The following DNAH8 variants were observed in gnomAD, a reference collection of about 807,000 sequenced individuals.
DNAH8 encodes the protein axonemal beta dynein heavy chain 8.
DNAH8 carries 382 observed loss-of-function variants against 562.1 expected under a neutral mutation model. The ratio of observed to expected loss-of-function variants is 0.68; its 90% CI spans 0.63 to 0.74. The LOEUF is 0.74. DNAH8 is among the 30% of genes least tolerant of loss of function. The pLI is 0.00. For synonymous variants in DNAH8, 1,881 were observed against 1,919.4 expected, an observed-to-expected ratio of 0.98 and a Z score of 0.52; for missense variants, 5,203 against 5,620.4, an observed-to-expected ratio of 0.93 and a Z score of 2.37.
intron 48 of DNAH8, among the ~76,000 whole-genome samples, chr6:38,868,783 G>A (rs1777257998): frequency 6.6e-6 from 1 of 151,412 alleles, no homozygotes; most frequent in African/African-American, 2.4e-5. Flanking sequence ...CTATTTCCCT[G>A]CCCCAGCCTC....
chr6:38,749,535 T>TAA (rs562568389), intron 8 of DNAH8, among the ~76,000 whole-genome samples: 2,755 of 120,442 alleles, frequency 0.023, 59 homozygotes, highest in Middle Eastern at 0.076. Context: ...GAACTTAAAG[T>TAA]AAAAAAAAAA....
rs183527285 is a variant in DNAH8 at position 38,740,740 on chromosome 6, G to A, written c.1117-971G>A. 1.4e-3 allele frequency among the ~76,000 whole-genome samples: 210 copies of A among 152,082 alleles called. 1 individual carries two copies. Among genetic ancestry groups the A allele is most frequent in the African/African-American group, 4.9e-3 (204 of 41,498 alleles). ...AGTGATCCTCCCCGCTCAGCCTCCT[G>A]AGTAGCTGGGACTACAGGCATGCAC... On this transcript the variant is annotated intron_variant, in intron 7 of 92. Coordinates refer to ENST00000327475, the MANE Select transcript of DNAH8 (RefSeq NM_001206927.2).
At chr6:38,756,692 C>A (rs1342572063) in intron 10 of DNAH8, among the ~76,000 whole-genome samples, 2 of 148,636 alleles carry the variant, frequency 1.3e-5, no homozygotes, top group Non-Finnish European at 3.0e-5. Flanking sequence ...CATGACAGGC[C>A]CCAGTGTGTG....
At chr6:38,961,560 A>T (rs1762604562) in intron 82 of DNAH8, among the ~76,000 whole-genome samples, 1 of 152,034 alleles carries the variant, frequency 6.6e-6, no homozygotes. Context: ...AGGATTAAGA[A>T]ATCTCATCAC....
chr6:38,755,213 C>T (rs1430675790), intron 9 of DNAH8, among the ~76,000 whole-genome samples: 2 of 152,090 alleles, frequency 1.3e-5, no homozygotes, highest in Admixed American at 1.3e-4. Flanking sequence ...TCTTACAATC[C>T]GTGATGTTTT....
In DNAH8 at chr6:38,760,581, A is replaced by T. The variant is rs115793904; in HGVS notation, c.1516-1121A>T. On this transcript the variant is annotated intron_variant, in intron 10 of 92. Transcript: ENST00000327475. ...GCCTGGGATTATTTCTAGCTCACTG[A>T]TATGGTTTGGATATTTGTCCCCTCC... Among the ~76,000 whole-genome samples the T allele has an allele frequency of 5.5e-3, 838 of 151,822 alleles. 10 individuals carry two copies. Among genetic ancestry groups the T allele is most frequent in the African/African-American group, 0.019 (803 of 41,376 alleles).
At chr6:38,808,659 T>C (rs1771517164) in intron 24 of DNAH8, among the ~76,000 whole-genome samples, 1 of 152,180 alleles carries the variant, frequency 6.6e-6, no homozygotes, top group Admixed American at 6.5e-5. Context: ...ACTGTGGCAA[T>C]GTTCACAATA....
In DNAH8 at chr6:38,984,229, G is replaced by A. The variant is rs757336406; in HGVS notation, c.12975G>A (p.Arg4325=). 10 of 1,600,452 alleles carry A rather than the reference G, an allele frequency of 6.2e-6. No individual in the cohort carries two copies. The highest frequency in any genetic ancestry group is 2.2e-5 in the South Asian group (2 of 90,728). ...IKKGVSWNTV[R]YMIGEVQYGG... is the part of the protein sequence containing the mutation. ...AGGGTGTATCATGGAATACGGTTCG[G>A]TACATGATCGGAGAAGTACAATATG... Residue 4325 remains arginine (R), a synonymous_variant, in exon 87 of 93, where the codon CGG becomes CGA. Transcript: ENST00000327475.
At chr6:38,854,470 G>T (rs897826206) in intron 41 of DNAH8, among the ~76,000 whole-genome samples, 2 of 152,102 alleles carry the variant, frequency 1.3e-5, no homozygotes, top group Non-Finnish European at 2.9e-5. Flanking sequence ...CTGAAATGAT[G>T]TATCATTTAT....
At position 38,918,047 on chromosome 6, in the gene DNAH8, C is replaced by CA. The variant is rs1781445058; in HGVS notation, c.10437dup (p.Val3480SerfsTer23). The CA allele has an allele frequency of 6.2e-7, 1 of 1,613,536 alleles. No homozygotes were observed. Among genetic ancestry groups the CA allele is most frequent in the Admixed American group, 1.7e-5 (1 of 59,956 alleles). Reference sequence around the variant, plus strand: ...TGGATGATTATACTTTTGAAAGTGCCAAAAAAGTCTGTGGGAATGTGGCTG... The same window carrying CA: ...TGGATGATTATACTTTTGAAAGTGCCAAAAAAAGTCTGTGGGAATGTGGCTG... On this transcript the variant is annotated frameshift_variant, in exon 70 of 93. Coordinates refer to ENST00000327475, the MANE Select transcript of DNAH8 (RefSeq NM_001206927.2). LOFTEE classifies it high-confidence loss of function.
intron 30 of DNAH8, among the ~76,000 whole-genome samples, chr6:38,831,970 G>A (rs1472080520): frequency 2.6e-5 from 4 of 152,046 alleles, no homozygotes; most frequent in Non-Finnish European, 5.9e-5. Context: ...ATGACTGCAG[G>A]CATGTGACCT....
chr6:38,940,851 C>T (rs529827588), intron 79 of DNAH8, among the ~76,000 whole-genome samples: 5 of 152,308 alleles, frequency 3.3e-5, no homozygotes, highest in African/African-American at 9.6e-5. Flanking sequence ...GGCGCGGTGG[C>T]TAATGCCTGT....
chr6:38,985,621 G>C (rs1177278403), intron 87 of DNAH8, among the ~76,000 whole-genome samples: 2 of 152,216 alleles, frequency 1.3e-5, no homozygotes, highest in Non-Finnish European at 2.9e-5. Flanking sequence ...AAGCAGTCCA[G>C]TAATACTTAC....
intron 87 of DNAH8, 67 bp from the exon 88 acceptor site, chr6:38,989,945 C>G: frequency 1.1e-6 from 1 of 911,104 alleles, no homozygotes; most frequent in Non-Finnish European, 1.7e-6. Context: ...GGCCCCTCTC[C>G]TTTCTTGTAG....
intron 35 of DNAH8, among the ~76,000 whole-genome samples, chr6:38,844,350 A>T (rs1775103722): frequency 6.6e-6 from 1 of 151,918 alleles, no homozygotes; most frequent in African/African-American, 2.4e-5. Flanking sequence ...AAATTATTTT[A>T]TCCATTATTC....
chr6:39,000,034 T>A (rs1435754980), intron 88 of DNAH8, among the ~76,000 whole-genome samples: 9 of 152,170 alleles, frequency 5.9e-5, no homozygotes, highest in African/African-American at 1.2e-4. Context: ...TAAATTTTCA[T>A]GTCCTTTAAA....
intron 82 of DNAH8, among the ~76,000 whole-genome samples, chr6:38,961,334 G>C (rs1459451202): frequency 6.6e-6 from 1 of 151,916 alleles, no homozygotes; most frequent in Non-Finnish European, 1.5e-5. Context: ...ATTATGTTGT[G>C]ACGGATATCT....
chr6:38,856,476 A>G (rs1323958402), intron 41 of DNAH8, among the ~76,000 whole-genome samples: 2 of 152,212 alleles, frequency 1.3e-5, no homozygotes, highest in Admixed American at 1.3e-4. Flanking sequence ...TAAGTCAGGC[A>G]GCCTTACACT....
intron 12 of DNAH8, among the ~76,000 whole-genome samples, chr6:38,771,113 T>G (rs572318445): frequency 3.9e-5 from 6 of 152,204 alleles, no homozygotes; most frequent in Non-Finnish European, 8.8e-5. Context: ...CTTTGAAAAG[T>G]CTGTAAAGAT....
Sources: gnomAD v4.1 joint callset for allele counts (sites outside exome capture counted in the v4.1 genomes callset) on GRCh38, gnomAD v4.1.1 for gene constraint, MANE v1.5 for transcripts, NCBI Gene and HGNC (gene_info 2026-07-23, HGNC 2026-07-21) for gene names.